The following ELOVL6 variants were observed in gnomAD, a reference collection of about 807,000 sequenced individuals.
ELOVL6 encodes very long chain fatty acid elongase 6.
A neutral mutation model predicts 31.7 loss-of-function variants in ELOVL6; 8 were observed. The ratio of observed to expected loss-of-function variants is 0.25; its 90% CI spans 0.15 to 0.45. ELOVL6 has a LOEUF of 0.45. ELOVL6 is among the 20% of genes least tolerant of loss of function. The probability of loss-of-function intolerance (pLI) is 1.00; values close to 1 mark genes in which losing one functional copy is unlikely to be tolerated. For missense variants in ELOVL6, 126 were observed against 326.4 expected (o/e 0.39, Z 4.73); for synonymous variants, 101 against 117.7 (o/e 0.86, Z 0.92).
At chr4:110,157,488 T>C (rs558809230) in intron 1 of ELOVL6, among the ~76,000 whole-genome samples, 6 of 152,170 alleles carry the variant, frequency 3.9e-5, no homozygotes, top group African/African-American at 1.4e-4. Flanking sequence ...CTGGCCAAGA[T>C]AGTGAAACCC....
intron 1 of ELOVL6, among the ~76,000 whole-genome samples, chr4:110,149,966 A>T (rs193037838): frequency 6.6e-6 from 1 of 152,310 alleles, no homozygotes; most frequent in Admixed American, 6.5e-5. Flanking sequence ...AAACAAGTAC[A>T]TCATGTAGTG....
chr4:110,059,256 T>C (rs1442150967), intron 3 of ELOVL6, among the ~76,000 whole-genome samples: 1 of 152,240 alleles, frequency 6.6e-6, no homozygotes, highest in East Asian at 1.9e-4. Context: ...AATAGCTGTG[T>C]TGCTCTTTTC....
intron 2 of ELOVL6, among the ~76,000 whole-genome samples, chr4:110,100,374 G>A (rs1362106417): frequency 2.6e-5 from 4 of 152,176 alleles, no homozygotes; most frequent in African/African-American, 9.7e-5. Context: ...TCTCCATGAA[G>A]GCTGCTTCAG....
At chr4:110,081,275 G>A (rs1441943322) in intron 2 of ELOVL6, among the ~76,000 whole-genome samples, 3 of 152,110 alleles carry the variant, frequency 2.0e-5, no homozygotes, top group African/African-American at 4.8e-5. Flanking sequence ...AAAAGAGCCT[G>A]CATTGCCAAG....
intron 1 of ELOVL6, among the ~76,000 whole-genome samples, chr4:110,153,329 C>A (rs563147562): frequency 1.4e-4 from 21 of 152,214 alleles, no homozygotes; most frequent in African/African-American, 5.1e-4. Flanking sequence ...ATTTTTTGCT[C>A]AAAATATTAA....
intron 2 of ELOVL6, among the ~76,000 whole-genome samples, chr4:110,085,620 G>C (rs943101996): frequency 3.3e-5 from 5 of 152,166 alleles, no homozygotes; most frequent in African/African-American, 1.2e-4. Flanking sequence ...GCATTGGGTG[G>C]TATCTAAAGG....
chr4:110,152,213 G>C (rs1758297441), intron 1 of ELOVL6, among the ~76,000 whole-genome samples: 1 of 152,066 alleles, frequency 6.6e-6, no homozygotes, highest in African/African-American at 2.4e-5. Context: ...AGACTATCAA[G>C]AGGGCATACC....
chr4:110,088,073 A>G (rs1286584135), intron 2 of ELOVL6, among the ~76,000 whole-genome samples: 1 of 152,226 alleles, frequency 6.6e-6, no homozygotes, highest in Non-Finnish European at 1.5e-5. Context: ...TGTAAAAGAA[A>G]CAAGAAATAA....
Position 110,159,805 on chromosome 4 carries a change from G to A in ELOVL6, c.89+38442C>T, listed in dbSNP as rs1384328. On this transcript the variant is annotated intron_variant, in intron 1 of 3. Transcript: ENST00000302274. ...ATTTCTCTCTAACACTCAGATGACTGCTCAAAAATTTTAACCTCTCACAAT... is the reference window on the plus strand; with the variant it reads ...ATTTCTCTCTAACACTCAGATGACTACTCAAAAATTTTAACCTCTCACAAT... Among the ~76,000 whole-genome samples the A allele has an allele frequency of 4.0e-3, 601 of 152,116 alleles. 5 individuals are homozygous for A. Among genetic ancestry groups the A allele is most frequent in the African/African-American group, 0.014 (575 of 41,518 alleles).
chr4:110,130,319 G>A (rs1033915674), intron 1 of ELOVL6, among the ~76,000 whole-genome samples: 31 of 152,272 alleles, frequency 2.0e-4, no homozygotes, highest in African/African-American at 7.0e-4. Context: ...ACTAGAACTA[G>A]CAAGCCAATT....
intron 2 of ELOVL6, among the ~76,000 whole-genome samples, chr4:110,077,256 C>T (rs563647299): frequency 1.4e-4 from 21 of 152,208 alleles, no homozygotes; most frequent in East Asian, 1.2e-3. Context: ...TCTCCCAGCA[C>T]GCAGCTGGAG....
chr4:110,194,686 T>C (rs1321950517), intron 1 of ELOVL6, among the ~76,000 whole-genome samples: 1 of 152,154 alleles, frequency 6.6e-6, no homozygotes, highest in Non-Finnish European at 1.5e-5. Context: ...GTATGGATTA[T>C]AGGGTATGTT....
At chr4:110,103,952 T>G (rs980625604) in intron 2 of ELOVL6, among the ~76,000 whole-genome samples, 3 of 152,228 alleles carry the variant, frequency 2.0e-5, no homozygotes, top group African/African-American at 7.2e-5. Context: ...TGGTATGATT[T>G]CAATAAGAAT....
At chr4:110,084,509 ATG>A (rs1223880774) in intron 2 of ELOVL6, among the ~76,000 whole-genome samples, 7 of 74,530 alleles carry the variant, frequency 9.4e-5, no homozygotes, top group Non-Finnish European at 1.9e-4. Flanking sequence ...TATATCATAT[ATG>A]TGTATACATT....
rs57846282 is a variant in ELOVL6 at position 110,061,549 on chromosome 4, C to CTTTTTTTTTTTTTTTTTT, written c.222-1813_222-1796dup. On this transcript the variant is annotated intron_variant, in intron 2 of 3. Transcript: ENST00000302274. ...CTGTCTTTCCCTCACCAAATGATGG[C>CTTTTTTTTTTTTTTTTTT]TTTTTTTTTTTTTTTTTTTTTTTTT... Among the ~76,000 whole-genome samples the CTTTTTTTTTTTTTTTTTT allele has an allele frequency of 8.7e-4, 63 of 72,370 alleles. 7 individuals are homozygous for CTTTTTTTTTTTTTTTTTT. Among genetic ancestry groups the CTTTTTTTTTTTTTTTTTT allele is most frequent in the East Asian group, 2.5e-3 (5 of 1,970 alleles). 47.5% of individuals were successfully genotyped at this position (72,370 alleles called of 152,430 possible).
intron 1 of ELOVL6, among the ~76,000 whole-genome samples, chr4:110,136,569 A>AT (rs1482870008): frequency 6.6e-6 from 1 of 152,076 alleles, no homozygotes; most frequent in Non-Finnish European, 1.5e-5. Context: ...GGCTATGAAG[A>AT]TTTTCTTTAT....
At chr4:110,108,706 G>A (rs1264769842) in intron 1 of ELOVL6, among the ~76,000 whole-genome samples, 1 of 152,230 alleles carries the variant, frequency 6.6e-6, no homozygotes, top group Non-Finnish European at 1.5e-5. Context: ...CATTGTCATG[G>A]CTGTGGTCAA....
intron 1 of ELOVL6, among the ~76,000 whole-genome samples, chr4:110,122,939 T>C (rs1398181556): frequency 6.6e-6 from 1 of 152,200 alleles, no homozygotes; most frequent in Non-Finnish European, 1.5e-5. Flanking sequence ...CCTTCCTTCA[T>C]CACCACTGTG....
intron 1 of ELOVL6, among the ~76,000 whole-genome samples, chr4:110,116,938 A>G (rs968233994): frequency 6.6e-6 from 1 of 151,964 alleles, no homozygotes; most frequent in East Asian, 1.9e-4. Context: ...CTTCTTCTCC[A>G]ACTTCACCAT....
Sources: allele counts gnomAD v4.1 joint callset (sites outside exome capture counted in the v4.1 genomes callset), GRCh38; gene constraint gnomAD v4.1.1; transcripts MANE v1.5; gene names NCBI Gene and HGNC (gene_info 2026-07-23, HGNC 2026-07-21).